Variants in PRIM2 observed in about 807,000 individuals in gnomAD.
The protein encoded by PRIM2 is DNA primase subunit 2.
PRIM2 carries 39 observed loss-of-function variants against 67.3 expected under a neutral mutation model. The ratio of observed to expected loss-of-function variants is 0.58; its 90% CI spans 0.45 to 0.76. PRIM2 has a LOEUF of 0.76. Among genes scored for constraint, PRIM2 ranks in the 30% least tolerant of loss-of-function variants. The pLI is 0.00. For missense variants in PRIM2, 398 were observed against 598.7 expected (o/e 0.66, Z 3.50); for synonymous variants, 143 against 198.7 (o/e 0.72, Z 2.36).
At chr6:57,611,731 C>T (rs1776670489) in intron 12 of PRIM2, among the ~76,000 whole-genome samples, 8 of 151,952 alleles carry the variant, frequency 5.3e-5, no homozygotes, top group South Asian at 2.1e-4. Flanking sequence ...GGTGTGTTCC[C>T]TGAAAGAAAA....
In PRIM2 at chr6:57,426,737, A is replaced by C. The variant is rs6928798; in HGVS notation, c.693+44569A>C. 5.9e-5 allele frequency among the ~76,000 whole-genome samples: 9 copies of C among 152,278 alleles called. No homozygotes were observed. The South Asian group carries it at 6.2e-4, about 11-fold the overall frequency. Reference sequence around the variant, plus strand: ...TCATAATAGCCACAAATTAGAATCAAATGAAATGTTTCTCAACAGGTGATT... The same window carrying C: ...TCATAATAGCCACAAATTAGAATCACATGAAATGTTTCTCAACAGGTGATT... On this transcript the variant is annotated intron_variant, in intron 7 of 13. Coordinates refer to ENST00000615550, the MANE Select transcript of PRIM2 (RefSeq NM_000947.5).
chr6:57,501,858 A>C (rs1470378659), intron 7 of PRIM2, among the ~76,000 whole-genome samples: 2 of 152,164 alleles, frequency 1.3e-5, no homozygotes, highest in South Asian at 2.1e-4. Flanking sequence ...TACTTTATAT[A>C]AATTTTTGAA....
intron 7 of PRIM2, among the ~76,000 whole-genome samples, chr6:57,444,323 C>G (rs1228228672): frequency 6.6e-6 from 1 of 152,070 alleles, no homozygotes; most frequent in Admixed American, 6.6e-5. Flanking sequence ...AATCCCAGCA[C>G]TTTGGAAGGC....
chr6:57,336,300 G>C (rs1768243875), intron 5 of PRIM2, among the ~76,000 whole-genome samples: 1 of 151,762 alleles, frequency 6.6e-6, no homozygotes, highest in Admixed American at 6.6e-5. Context: ...ATATTATCCA[G>C]GAGAACTTCC....
At chr6:57,368,594 G>T (rs997550142) in intron 5 of PRIM2, among the ~76,000 whole-genome samples, 4 of 152,146 alleles carry the variant, frequency 2.6e-5, no homozygotes, top group Non-Finnish European at 5.9e-5. Flanking sequence ...ATGTGGGAAA[G>T]AAATAAATAA....
chr6:57,523,592 C>G (rs1458163065), intron 8 of PRIM2, among the ~76,000 whole-genome samples: 1 of 152,192 alleles, frequency 6.6e-6, no homozygotes, highest in Non-Finnish European at 1.5e-5. Flanking sequence ...CTTTTGCCCT[C>G]CCATTTTGTC....
chr6:57,529,516 C>G (rs1774842377), intron 8 of PRIM2, among the ~76,000 whole-genome samples: 1 of 152,096 alleles, frequency 6.6e-6, no homozygotes, highest in South Asian at 2.1e-4. Flanking sequence ...TGGCAGCTAT[C>G]AATTTAACTT....
chr6:57,283,190 A>T, the PRIM2 span, among the ~76,000 whole-genome samples: 6 of 152,118 alleles, frequency 3.9e-5, no homozygotes, highest in Non-Finnish European at 8.8e-5. Flanking sequence ...TCTGAGTGCC[A>T]CTCATATGAA....
intron 8 of PRIM2, among the ~76,000 whole-genome samples, chr6:57,509,020 T>C (rs1341554873): frequency 7.9e-5 from 12 of 152,246 alleles, no homozygotes; most frequent in East Asian, 1.9e-4. Context: ...GAAGTGTGGA[T>C]AGATTTTTAC....
At chr6:57,503,407 T>C (rs1205897971) in intron 7 of PRIM2, among the ~76,000 whole-genome samples, 1 of 152,194 alleles carries the variant, frequency 6.6e-6, no homozygotes, top group African/African-American at 2.4e-5. Context: ...AACAATCATT[T>C]AGTGACCCAG....
the PRIM2 span, among the ~76,000 whole-genome samples, chr6:57,289,698 C>A: frequency 6.6e-6 from 1 of 152,132 alleles, no homozygotes; most frequent in Non-Finnish European, 1.5e-5. Flanking sequence ...TCATATCCAG[C>A]CAAACTAAGC....
At chr6:57,470,869 T>C (rs1773322169) in intron 7 of PRIM2, among the ~76,000 whole-genome samples, 1 of 152,258 alleles carries the variant, frequency 6.6e-6, no homozygotes, top group East Asian at 1.9e-4. Context: ...TGTCCCTCCC[T>C]GCCAACTACC....
At chr6:57,531,643 A>G (rs1774893919) in intron 8 of PRIM2, among the ~76,000 whole-genome samples, 1 of 152,248 alleles carries the variant, frequency 6.6e-6, no homozygotes, top group South Asian at 2.1e-4. Flanking sequence ...CATGCAGGAA[A>G]ATTTATTATA....
At position 57,379,899 on chromosome 6, in the gene PRIM2, A is replaced by T; in HGVS notation, c.460-2A>T. ...GTAACAGCTTAAAATATGTTTTTTT[A>T]GATAAGTGATGAAGAGAAGACTCTT... On this transcript the variant is annotated splice_acceptor_variant, in intron 5 of 13. Transcript: ENST00000615550. LOFTEE classifies it high-confidence loss of function. 6.5e-7 allele frequency: 1 copy of T among 1,534,956 alleles called. No individual in the cohort carries two copies. The highest frequency in any genetic ancestry group is 8.8e-7 in the Non-Finnish European group (1 of 1,142,438).
chr6:57,249,597 C>G, the PRIM2 span, among the ~76,000 whole-genome samples: 1 of 151,802 alleles, frequency 6.6e-6, no homozygotes, highest in Non-Finnish European at 1.5e-5. Context: ...CAAAAATTAG[C>G]CTGGCGTGGT....
At chr6:57,397,443 A>G (rs1170058480) in intron 7 of PRIM2, among the ~76,000 whole-genome samples, 2 of 151,990 alleles carry the variant, frequency 1.3e-5, no homozygotes, top group Non-Finnish European at 2.9e-5. Context: ...TCTTTCTTCT[A>G]CTTGTTCAGT....
At chr6:57,345,472 A>ATGTGTGTGTGTGTGTGTG (rs1330350650) in intron 5 of PRIM2, among the ~76,000 whole-genome samples, 1 of 79,840 alleles carries the variant, frequency 1.3e-5, no homozygotes, top group African/African-American at 5.4e-5. Flanking sequence ...TGATATATAT[A>ATGTGTGTGTGTGTGTGTG]TATGTGTGTG....
intron 13 of PRIM2, among the ~76,000 whole-genome samples, chr6:57,633,478 A>T (rs1404894004): frequency 6.6e-6 from 1 of 152,166 alleles, no homozygotes; most frequent in Non-Finnish European, 1.5e-5. Context: ...TTTTTCTATT[A>T]TGGTTATATA....
intron 4 of PRIM2, 97 bp downstream of exon 4, chr6:57,324,377 C>T (rs1767770896): frequency 3.1e-6 from 2 of 649,566 alleles, no homozygotes; most frequent in Non-Finnish European, 5.4e-6. Flanking sequence ...ATAGGAAAAC[C>T]CAGAATAACA....
Sources: gnomAD v4.1 joint callset for allele counts (sites outside exome capture counted in the v4.1 genomes callset) on GRCh38, gnomAD v4.1.1 for gene constraint, MANE v1.5 for transcripts, NCBI Gene and HGNC (gene_info 2026-07-23, HGNC 2026-07-21) for gene names.